Variants in AKAP19 observed in about 807,000 individuals in gnomAD.
AKAP19 encodes the protein small A-kinase anchoring protein.
chr2:190,018,974 G>C, the AKAP19 span, among the ~76,000 whole-genome samples: 1 of 152,174 alleles, frequency 6.6e-6, no homozygotes, highest in African/African-American at 2.4e-5. Flanking sequence ...CACCACAATT[G>C]TCTCTGATTG....
At chr2:190,132,029 C>G in the AKAP19 span, among the ~76,000 whole-genome samples, 6 of 151,750 alleles carry the variant, frequency 4.0e-5, no homozygotes, top group Non-Finnish European at 7.4e-5. Context: ...ATACTAACAA[C>G]GAGCTATCTG....
At chr2:189,923,038 C>A in the AKAP19 span, among the ~76,000 whole-genome samples, 1 of 152,136 alleles carries the variant, frequency 6.6e-6, no homozygotes, top group South Asian at 2.1e-4. Context: ...ATAGTCCCAG[C>A]TACTCAGGAG....
the AKAP19 span, among the ~76,000 whole-genome samples, chr2:190,004,330 G>A: frequency 1.3e-5 from 2 of 152,012 alleles, no homozygotes; most frequent in Non-Finnish European, 2.9e-5. Flanking sequence ...TAGCCAGTGT[G>A]AGCATATGAA....
the AKAP19 span, among the ~76,000 whole-genome samples, chr2:190,081,661 A>G: frequency 2.9e-3 from 441 of 152,062 alleles, 4 homozygotes; most frequent in African/African-American, 0.01. Flanking sequence ...CCCTTGGGGG[A>G]AAAATTTAAA....
the AKAP19 span, among the ~76,000 whole-genome samples, chr2:190,050,421 T>C: frequency 3.9e-5 from 6 of 152,200 alleles, no homozygotes; most frequent in African/African-American, 1.4e-4. Flanking sequence ...TGTTAAAAAT[T>C]GGAAGGTACT....
At chr2:190,198,291 C>A in the AKAP19 span, among the ~76,000 whole-genome samples, 1 of 152,094 alleles carries the variant, frequency 6.6e-6, no homozygotes, top group Non-Finnish European at 1.5e-5. Flanking sequence ...TCTGGACATC[C>A]TTAATTACAA....
chr2:190,115,996 T>C, the AKAP19 span, among the ~76,000 whole-genome samples: 1 of 152,200 alleles, frequency 6.6e-6, no homozygotes, highest in Non-Finnish European at 1.5e-5. Context: ...GCATACCAAA[T>C]GTCCTGTTTT....
chr2:190,162,161 G>C, the AKAP19 span, among the ~76,000 whole-genome samples: 1 of 152,050 alleles, frequency 6.6e-6, no homozygotes, highest in African/African-American at 2.4e-5. Flanking sequence ...ATCTAGTAGA[G>C]TAGAAGATTC....
chr2:190,006,550 T>A, the AKAP19 span, among the ~76,000 whole-genome samples: 1 of 149,690 alleles, frequency 6.7e-6, no homozygotes, highest in Admixed American at 6.7e-5. Flanking sequence ...CTGGGGAGGC[T>A]GAGGCGTTAA....
At chr2:189,907,745 T>C in the AKAP19 span, among the ~76,000 whole-genome samples, 24 of 152,226 alleles carry the variant, frequency 1.6e-4, no homozygotes, top group Non-Finnish European at 3.1e-4. Context: ...TTTCATTATA[T>C]TAAGCAAATA....
At chr2:190,059,988 T>A in the AKAP19 span, 1 of 1,476,214 alleles carries the variant, frequency 6.8e-7, no homozygotes, top group East Asian at 2.3e-5. Context: ...TTGTAGCTAT[T>A]TTCCACTATT....
the AKAP19 span, among the ~76,000 whole-genome samples, chr2:190,136,494 C>T: frequency 6.6e-6 from 1 of 152,144 alleles, no homozygotes; most frequent in African/African-American, 2.4e-5. Flanking sequence ...CAGTCATGCA[C>T]GCAGATGATC....
At chr2:189,907,759 T>A in the AKAP19 span, among the ~76,000 whole-genome samples, 1 of 152,074 alleles carries the variant, frequency 6.6e-6, no homozygotes, top group Non-Finnish European at 1.5e-5. Context: ...GCAAATATTA[T>A]CATATATATA....
At chr2:190,063,942 A>G in the AKAP19 span, among the ~76,000 whole-genome samples, 1 of 152,148 alleles carries the variant, frequency 6.6e-6, no homozygotes, top group African/African-American at 2.4e-5. Context: ...TCTAGGCCAA[A>G]GGAGATTTCT....
chr2:189,986,213 G>A, the AKAP19 span, among the ~76,000 whole-genome samples: 1 of 152,106 alleles, frequency 6.6e-6, no homozygotes, highest in South Asian at 2.1e-4. Flanking sequence ...CATATCTAAA[G>A]TTCTAATCAA....
the AKAP19 span, among the ~76,000 whole-genome samples, chr2:189,928,270 G>A: frequency 0.92 from 140,016 of 152,162 alleles, 64,758 homozygotes; most frequent in East Asian, 0.98. Flanking sequence ...AAGGCCCATT[G>A]TATCAATTTT....
chr2:189,993,397 C>T, the AKAP19 span, among the ~76,000 whole-genome samples: 1 of 152,078 alleles, frequency 6.6e-6, no homozygotes, highest in African/African-American at 2.4e-5. Flanking sequence ...TTTTGATATG[C>T]TATTAGATTC....
chr2:190,053,084 A>G, the AKAP19 span, among the ~76,000 whole-genome samples: 6 of 152,220 alleles, frequency 3.9e-5, no homozygotes, highest in African/African-American at 1.4e-4. Flanking sequence ...ATAGTAATCC[A>G]AAAGTGGAAT....
At chr2:189,932,386 C>T in the AKAP19 span, among the ~76,000 whole-genome samples, 339 of 132,548 alleles carry the variant, frequency 2.6e-3, 1 homozygote, top group African/African-American at 6.5e-3. Flanking sequence ...CCAGCCTGGG[C>T]GACTGAGCGA....
Sources: gnomAD v4.1 joint callset for allele counts (sites outside exome capture counted in the v4.1 genomes callset) on GRCh38, gnomAD v4.1.1 for gene constraint, MANE v1.5 for transcripts, NCBI Gene and HGNC (gene_info 2026-07-23, HGNC 2026-07-21) for gene names.